NUP155: variants seen among roughly 807,000 people sequenced by gnomAD.
The protein encoded by NUP155 is nuclear pore complex protein Nup155.
A neutral mutation model predicts 180.4 loss-of-function variants in NUP155; 71 were observed. The observed-to-expected ratio is 0.39, with a 90% CI of 0.33 to 0.48. The LOEUF is 0.48. Ranked by LOEUF, NUP155 falls within the 20% of genes least tolerant of loss-of-function variation. The probability of loss-of-function intolerance (pLI) is 0.91; values close to 1 mark genes in which losing one functional copy is unlikely to be tolerated. For missense variants in NUP155, 1,553 were observed against 1,648.9 expected, an observed-to-expected ratio of 0.94 and a Z score of 1.01; for synonymous variants, 582 against 559.5, an observed-to-expected ratio of 1.04 and a Z score of -0.57.
At chr5:37,327,538 T>A in intron 18 of NUP155, 91 bp downstream of exon 18, 1 of 1,434,760 alleles carries the variant, frequency 7.0e-7, no homozygotes, top group African/African-American at 1.4e-5. Context: ...TTAATAGGAA[T>A]AAATGATGTC....
intron 25 of NUP155, 50 bp downstream of exon 25, chr5:37,307,247 A>G: frequency 6.3e-7 from 1 of 1,585,696 alleles, no homozygotes; most frequent in Non-Finnish European, 8.6e-7. Context: ...TTATGCAAAG[A>G]AAAGTCTGTA....
Position 37,340,991 on chromosome 5 carries a change from T to C in NUP155, c.1246+99A>G, listed in dbSNP as rs183998004. The stretch of plus-strand genomic sequence containing the variant: ...GACCCTTCTAGTAGTTCCCAGTTTC[T>C]ACTGTTGCCATAGGGTATTTTCAAA... On this transcript the variant is annotated intron_variant, in intron 11 of 34. Transcript: ENST00000231498. 2.5e-4 allele frequency: 252 copies of C among 1,026,764 alleles called. No homozygotes were observed. In the African/African-American group the frequency reaches 3.2e-3, roughly 13 times the overall value. 63.6% of individuals were successfully genotyped at this position (1,026,764 alleles called of 1,614,324 possible). A position where few individuals can be genotyped will look rare whatever the true frequency, so the allele number is the denominator to read the frequency against.
At chr5:37,352,690 C>A in intron 5 of NUP155, 47 bp downstream of exon 5, 1 of 1,282,178 alleles carries the variant, frequency 7.8e-7, no homozygotes, top group Non-Finnish European at 1.1e-6. Flanking sequence ...TATCAATTGG[C>A]CAAAATACTA....
intron 3 of NUP155, among the ~76,000 whole-genome samples, chr5:37,362,508 G>A (rs905297116): frequency 3.3e-5 from 5 of 151,954 alleles, no homozygotes; most frequent in South Asian, 2.1e-4. Context: ...GGCTGGTCTC[G>A]AACTCCCGAC....
chr5:37,363,968 G>A lies in NUP155; in HGVS notation c.312C>T (p.Cys104=). 6.2e-7 allele frequency: 1 copy of A among 1,612,016 alleles called. No homozygotes were observed. The highest frequency in any genetic ancestry group is 8.5e-7 in the Non-Finnish European group (1 of 1,178,096). The part of the protein sequence containing the change: ...VEQFGHMQCN[C]MMGVFPPISR... ...TGATAGGAGGGAACACACCCATCAT[G>A]CAATTACACTGCATATCTGAGGTAG... The change falls in exon 3 of 35, where the codon TGC becomes TGT. Residue 104 remains cysteine, a synonymous_variant. Coordinates refer to ENST00000231498, the MANE Select transcript of NUP155 (RefSeq NM_153485.3).
rs534441544 is a variant in NUP155, at chr5:37,362,117, G to C, written c.392+1771C>G. Among the ~76,000 whole-genome samples the C allele has an allele frequency of 4.5e-4, 68 of 152,216 alleles. 1 individual carries two copies. The East Asian group carries it at 0.012, about 27-fold the overall frequency. On this transcript the variant is annotated intron_variant, in intron 3 of 34. Transcript: ENST00000231498. ...CAGGCTATGGTATTCTGTTTTAGCAGCTCGGACTAAGACACACAGTAAGGT... is the reference window on the plus strand; with the variant it reads ...CAGGCTATGGTATTCTGTTTTAGCACCTCGGACTAAGACACACAGTAAGGT...
intron 10 of NUP155, among the ~76,000 whole-genome samples, chr5:37,341,460 C>G (rs1219463933): frequency 6.6e-6 from 1 of 152,234 alleles, no homozygotes. Context: ...CTCCCGGGTT[C>G]AAGCGATTCT....
intron 25 of NUP155, among the ~76,000 whole-genome samples, chr5:37,305,473 C>T (rs949350570): frequency 2.0e-5 from 3 of 151,948 alleles, no homozygotes; most frequent in African/African-American, 7.3e-5. Context: ...CCAGAGGTCA[C>T]GAATTTGAGA....
rs125684 is a variant in NUP155 at position 37,301,350 on chromosome 5, T to C, written c.3561+87A>G. 8.2e-3 allele frequency: 6,540 copies of C among 800,148 alleles called. 333 individuals carry two copies. In the African/African-American group the frequency reaches 0.099, roughly 12 times the overall value. The allele number at this position is 800,148 out of a possible 1,614,324, so 49.6% of individuals were successfully genotyped here. The stretch of plus-strand genomic sequence containing the variant: ...CTTATTTGTGGAGATAAGGTAATTT[T>C]CCCCATGAAACAAAAAGCAAAATAA... On this transcript the variant is annotated intron_variant, in intron 30 of 34. Coordinates refer to ENST00000231498, the MANE Select transcript of NUP155 (RefSeq NM_153485.3).
chr5:37,350,288 C>T (rs217776), intron 6 of NUP155, 23 bp from the exon 7 acceptor site: 201 of 1,525,198 alleles, frequency 1.3e-4, no homozygotes, highest in Non-Finnish European at 1.6e-4. Flanking sequence ...AGTAGAAAGA[C>T]GACTTATAAA....
At chr5:37,351,549 C>A (rs1490442740) in intron 5 of NUP155, among the ~76,000 whole-genome samples, 193 bp from the exon 6 acceptor site, 1 of 151,850 alleles carries the variant, frequency 6.6e-6, no homozygotes, top group Admixed American at 6.6e-5. Flanking sequence ...CGGGTTCATG[C>A]CATTCTCCTG....
At position 37,337,147 on chromosome 5, in the gene NUP155, C is replaced by T. The variant is rs1396700696; in HGVS notation, c.1347+671G>A. ...GGGGACTAGGATGGGCAGCTGGGGG[C>T]AGGGGCAGTTCGTGGGTTCATAGCA... On this transcript the variant is annotated intron_variant, in intron 12 of 34. Coordinates refer to ENST00000231498, the MANE Select transcript of NUP155 (RefSeq NM_153485.3). Among the ~76,000 whole-genome samples the T allele has an allele frequency of 3.9e-5, 6 of 152,188 alleles. No homozygotes were observed. The East Asian group carries it at 1.2e-3, about 29-fold the overall frequency.
intron 22 of NUP155, among the ~76,000 whole-genome samples, chr5:37,312,116 A>C (rs1743568192): frequency 6.6e-6 from 1 of 152,226 alleles, no homozygotes; most frequent in Non-Finnish European, 1.5e-5. Context: ...TCAATGGATG[A>C]TTAAAATCTG....
chr5:37,337,939 A>ATAT, intron 11 of NUP155, 21 bp from the exon 12 acceptor site: 1 of 1,322,682 alleles, frequency 7.6e-7, no homozygotes, highest in Non-Finnish European at 1.1e-6. Flanking sequence ...AATATACAAA[A>ATAT]TATTATTACA....
At chr5:37,370,593 T>C in intron 1 of NUP155, 1 of 1,346,954 alleles carries the variant, frequency 7.4e-7, no homozygotes, top group Non-Finnish European at 9.8e-7. Context: ...TCTTTCTGCT[T>C]CAACTGGGAG....
chr5:37,308,649 C>T (rs187929607), intron 24 of NUP155, among the ~76,000 whole-genome samples: 44 of 151,626 alleles, frequency 2.9e-4, no homozygotes, highest in Middle Eastern at 3.4e-3. Context: ...GAGCTGAGAT[C>T]GCACCACTGC....
At chr5:37,338,295 G>A (rs1373409467) in intron 11 of NUP155, among the ~76,000 whole-genome samples, 1 of 141,694 alleles carries the variant, frequency 7.1e-6, no homozygotes, top group East Asian at 2.1e-4. Flanking sequence ...TCCAGCCTGG[G>A]CGCCAGAGCA....
chr5:37,291,515 T>A lies in NUP155; in HGVS notation c.*385A>T, dbSNP rs780502022. On this transcript the variant is annotated 3_prime_UTR_variant, in exon 35 of 35. Coordinates refer to ENST00000231498, the MANE Select transcript of NUP155 (RefSeq NM_153485.3). ...ACCTTGGCCTCCCAAAGTGCTGGGATTACAGGTGTAAGTCACTGTGCCTGG... is the reference window on the plus strand; with the variant it reads ...ACCTTGGCCTCCCAAAGTGCTGGGAATACAGGTGTAAGTCACTGTGCCTGG... The A allele has an allele frequency of 1.1e-5, 2 of 181,290 alleles. No homozygotes were observed. The highest frequency in any genetic ancestry group is 2.3e-5 in the Non-Finnish European group (2 of 86,854). 11.2% of individuals were successfully genotyped at this position (181,290 alleles called of 1,614,324 possible).
At chr5:37,306,307 G>A (rs1743151267) in intron 25 of NUP155, among the ~76,000 whole-genome samples, 1 of 152,106 alleles carries the variant, frequency 6.6e-6, no homozygotes, top group Non-Finnish European at 1.5e-5. Flanking sequence ...GGCTGAGGTA[G>A]GAGGATCACT....
Sources: gnomAD v4.1 joint callset for allele counts (sites outside exome capture counted in the v4.1 genomes callset) on GRCh38, gnomAD v4.1.1 for gene constraint, MANE v1.5 for transcripts, NCBI Gene and HGNC (gene_info 2026-07-23, HGNC 2026-07-21) for gene names.